SLC37A1: variants seen among roughly 807,000 people sequenced by gnomAD.
SLC37A1 encodes solute carrier family 37 member 1.
A neutral mutation model predicts 75.3 loss-of-function variants in SLC37A1; 49 were observed. That is an observed-to-expected ratio of 0.65 (90% CI 0.52 to 0.83). SLC37A1 has a LOEUF of 0.83. SLC37A1 is among the 40% of genes least tolerant of loss of function. The pLI is 0.00. For missense variants in SLC37A1, 566 were observed against 695.0 expected (o/e 0.81, Z 2.09); for synonymous variants, 268 against 292.1 (o/e 0.92, Z 0.84).
chr21:42,568,826 G>A (rs180972066), intron 17 of SLC37A1, among the ~76,000 whole-genome samples: 2 of 152,296 alleles, frequency 1.3e-5, no homozygotes, highest in African/African-American at 2.4e-5. Context: ...CAGCATCGTC[G>A]AAGCTCTTGA....
chr21:42,522,045 A>G (rs1350142788), intron 2 of SLC37A1, among the ~76,000 whole-genome samples: 3 of 152,190 alleles, frequency 2.0e-5, no homozygotes, highest in African/African-American at 7.2e-5. Flanking sequence ...TGGTGGCTGC[A>G]TCACACCAGT....
chr21:42,571,907 C>T (rs562585268), intron 17 of SLC37A1, among the ~76,000 whole-genome samples: 2 of 152,288 alleles, frequency 1.3e-5, no homozygotes, highest in East Asian at 3.9e-4. Flanking sequence ...AGCCTCACTC[C>T]GCCCACTGCG....
At position 42,530,653 on chromosome 21, in the gene SLC37A1, CA is replaced by C. The variant is rs372405561; in HGVS notation, c.139-4044del. 4.6e-3 allele frequency among the ~76,000 whole-genome samples: 140 copies of C among 30,144 alleles called. 5 individuals are homozygous for C. The highest frequency in any genetic ancestry group is 0.024 in the Middle Eastern group (2 of 84). 19.8% of individuals were successfully genotyped at this position (30,144 alleles called of 152,430 possible). A position where few individuals can be genotyped will look rare whatever the true frequency, so the allele number is the denominator to read the frequency against. On this transcript the variant is annotated intron_variant, in intron 3 of 19. Transcript: ENST00000352133. ...ACACACACACACACACACACACACA[CA>C]CCCCCTCTGTGTTGGCTGAAGGTGG...
intron 17 of SLC37A1, among the ~76,000 whole-genome samples, chr21:42,570,056 G>A (rs189157002): frequency 0.016 from 2,331 of 144,880 alleles, 53 homozygotes; most frequent in Non-Finnish European, 0.028. Flanking sequence ...GAAGCGGCGG[G>A]CAGGGTGGCC....
chr21:42,538,281 T>C (rs1469659573), intron 5 of SLC37A1, among the ~76,000 whole-genome samples: 2 of 152,214 alleles, frequency 1.3e-5, no homozygotes, highest in Admixed American at 6.5e-5. Flanking sequence ...TGAGTCTGTG[T>C]GTGGTGAGGT....
At position 42,567,065 on chromosome 21, in the gene SLC37A1, A is replaced by G. The variant is rs1183077653; in HGVS notation, c.1344+7A>G. 1.2e-5 allele frequency: 19 copies of G among 1,608,634 alleles called. No individual in the cohort carries two copies. In the Middle Eastern group the frequency reaches 6.6e-4, roughly 56 times the overall value. On this transcript the variant is annotated splice_region_variant and intron_variant, in intron 16 of 19. Transcript: ENST00000352133. ...CGCCGTCTCCGCCGACCTGGTGAGT[A>G]GAACCGGGAGAGACACCAGCCCTGT...
At chr21:42,508,122 C>CTTTTTT (rs398036474) in intron 2 of SLC37A1, among the ~76,000 whole-genome samples, 16 of 80,944 alleles carry the variant, frequency 2.0e-4, no homozygotes, top group South Asian at 1.4e-3. Context: ...AGAGTACGCT[C>CTTTTTT]TTTTTTTTTT....
intron 3 of SLC37A1, 139 bp from the exon 4 acceptor site, chr21:42,534,559 G>A: frequency 2.8e-6 from 3 of 1,054,628 alleles, no homozygotes; most frequent in Middle Eastern, 6.5e-4. Flanking sequence ...AGCGCCTTGT[G>A]TCCCTCTTAG....
At chr21:42,542,875 C>G (rs2055317808) in intron 7 of SLC37A1, among the ~76,000 whole-genome samples, 1 of 152,278 alleles carries the variant, frequency 6.6e-6, no homozygotes, top group African/African-American at 2.4e-5. Context: ...TGGGACCCAG[C>G]CTGGCGAGTC....
chr21:42,571,550 G>A (rs892916406), intron 17 of SLC37A1, among the ~76,000 whole-genome samples: 8 of 151,946 alleles, frequency 5.3e-5, no homozygotes, highest in Non-Finnish European at 1.2e-4. Context: ...TCTCTTTCTA[G>A]AGGCAGCCAA....
Position 42,530,726 on chromosome 21 carries a change from G to T in SLC37A1, c.139-3972G>T, listed in dbSNP as rs141264001. Among the ~76,000 whole-genome samples the T allele has an allele frequency of 3.9e-3, 596 of 151,276 alleles. 5 individuals are homozygous for T. The highest frequency in any genetic ancestry group is 0.01 in the Admixed American group (153 of 15,186). Reference sequence around the variant, plus strand: ...CTGTCCTCCAGGGGGATTCAGTGAGGCCTGAATCCCCTGCTCCTGTCCTGT... The same window carrying T: ...CTGTCCTCCAGGGGGATTCAGTGAGTCCTGAATCCCCTGCTCCTGTCCTGT... On this transcript the variant is annotated intron_variant, in intron 3 of 19. Transcript: ENST00000352133.
At position 42,514,065 on chromosome 21, in the gene SLC37A1, C is replaced by T. The variant is rs1279761380; in HGVS notation, c.-831C>T. 7 of 150,642 alleles carry T rather than the reference C, an allele frequency of 4.6e-5. No individual in the cohort carries two copies. The highest frequency in any genetic ancestry group is 1.2e-4 in the African/African-American group (5 of 41,170). The allele number at this position is 150,642 out of a possible 1,614,324, so 9.3% of individuals were successfully genotyped here. On this transcript the variant is annotated 5_prime_UTR_variant, in exon 1 of 20. Transcript: ENST00000352133. This position sits in a 1 kb window ranked among gnomAD's most constrained non-coding sequence, Gnocchi z 4.8. ...AGGGAGCCGGGCGCGGGGCCCTGCG[C>T]ACTCGGAGCTCGGCTCCTCTCCTTC...
chr21:42,559,791 G>A (rs1344947371), intron 11 of SLC37A1, among the ~76,000 whole-genome samples: 2 of 151,286 alleles, frequency 1.3e-5, no homozygotes, highest in Non-Finnish European at 2.9e-5. Flanking sequence ...CGGGAGAATC[G>A]CTTGAACCCG....
intron 3 of SLC37A1, chr21:42,526,155 T>C (rs963331760): frequency 3.6e-6 from 1 of 281,434 alleles, no homozygotes; most frequent in Admixed American, 4.9e-5. Context: ...CTTCCAAATG[T>C]ATCCAGTCTT....
In SLC37A1 at chr21:42,555,884, G is replaced by A. The variant is rs3788027; in HGVS notation, c.849+1742G>A. Among the ~76,000 whole-genome samples, 63 of 152,370 alleles carry A rather than the reference G, an allele frequency of 4.1e-4. No individual in the cohort carries two copies. The East Asian group carries it at 0.011, about 27-fold the overall frequency. ...CCGGGCGCATGCTGACCTCGCTTAC[G>A]TGGCATCCCCTTTCGGCGGGCCTGC... On this transcript the variant is annotated intron_variant, in intron 10 of 19. Coordinates refer to ENST00000352133, the MANE Select transcript of SLC37A1 (RefSeq NM_001320537.2).
At chr21:42,537,495 C>A (rs1451590325) in intron 5 of SLC37A1, among the ~76,000 whole-genome samples, 1 of 152,244 alleles carries the variant, frequency 6.6e-6, no homozygotes, top group African/African-American at 2.4e-5. Flanking sequence ...CAGCTGGGGG[C>A]AGTTTTGTCT....
At chr21:42,519,051 A>C (rs1369425292) in intron 2 of SLC37A1, among the ~76,000 whole-genome samples, 1 of 152,184 alleles carries the variant, frequency 6.6e-6, no homozygotes, top group Admixed American at 6.5e-5. Flanking sequence ...CCAGAGTCTG[A>C]AGCTGGGCTC....
intron 11 of SLC37A1, among the ~76,000 whole-genome samples, chr21:42,559,345 A>G (rs2055768795): frequency 6.6e-6 from 1 of 151,982 alleles, no homozygotes; most frequent in Non-Finnish European, 1.5e-5. Context: ...AGGTTCATAG[A>G]AAAATGGGGC....
chr21:42,520,094 G>T (rs1036202553), intron 2 of SLC37A1, among the ~76,000 whole-genome samples: 1 of 152,098 alleles, frequency 6.6e-6, no homozygotes, highest in African/African-American at 2.4e-5. Flanking sequence ...TATTTCCTAT[G>T]AATAAGACAT....
Sources: gnomAD v4.1 joint callset for allele counts (sites outside exome capture counted in the v4.1 genomes callset) on GRCh38, gnomAD v4.1.1 for gene constraint, Gnocchi (gnomAD v3.1) non-coding constraint, MANE v1.5 for transcripts, NCBI Gene and HGNC (gene_info 2026-07-23, HGNC 2026-07-21) for gene names.